The following FAT4 variants were observed in gnomAD, a reference collection of about 807,000 sequenced individuals.
FAT4 encodes FAT atypical cadherin 4.
Under a neutral mutation model 303.9 loss-of-function variants are expected in FAT4, and 84 were observed. The observed-to-expected ratio is 0.28, with a 90% CI of 0.23 to 0.33. The LOEUF is 0.33. Ranked by LOEUF, FAT4 falls within the 10% of genes least tolerant of loss-of-function variation. The pLI is 1.00. For missense variants in FAT4, 6,005 were observed against 6,146.8 expected, an observed-to-expected ratio of 0.98 and a Z score of 0.77; for synonymous variants, 2,307 against 2,298.8, an observed-to-expected ratio of 1.00 and a Z score of -0.10.
At chr4:125,466,337 A>G in intron 11 of FAT4, among the ~76,000 whole-genome samples, 1 of 152,076 alleles carries the variant, frequency 6.6e-6, no homozygotes, top group East Asian at 1.9e-4. Context: ...AAGTATCTAT[A>G]TACTTTCTCC....
At chr4:125,347,732 A>G (rs1578545823) in intron 2 of FAT4, among the ~76,000 whole-genome samples, 3 of 151,954 alleles carry the variant, frequency 2.0e-5, no homozygotes, top group African/African-American at 7.2e-5. Flanking sequence ...ATTAATACAG[A>G]TTACATAAAA....
chr4:125,472,113 A>G (rs1397525946), intron 12 of FAT4, among the ~76,000 whole-genome samples: 1 of 150,648 alleles, frequency 6.6e-6, no homozygotes, highest in Non-Finnish European at 1.5e-5. Flanking sequence ...TAAGATTTAT[A>G]ATTCACCCTA....
intron 2 of FAT4, among the ~76,000 whole-genome samples, chr4:125,355,765 G>T (rs757895083): frequency 1.3e-5 from 2 of 151,822 alleles, no homozygotes; most frequent in Non-Finnish European, 2.9e-5. Context: ...TGGAGAAGGG[G>T]TTGCTTGGTG....
At chr4:125,362,499 G>T (rs1389006304) in intron 2 of FAT4, among the ~76,000 whole-genome samples, 1 of 152,100 alleles carries the variant, frequency 6.6e-6, no homozygotes. Flanking sequence ...CTGATGCAGG[G>T]AAAAAGATTC....
At chr4:125,328,020 T>A (rs1328615990) in intron 2 of FAT4, among the ~76,000 whole-genome samples, 1 of 152,046 alleles carries the variant, frequency 6.6e-6, no homozygotes, top group Non-Finnish European at 1.5e-5. Flanking sequence ...ATAAAACCCA[T>A]AAAAGTAGGT....
In FAT4 at chr4:125,449,278, T is replaced by G. The variant is rs1725951406; in HGVS notation, c.8268T>G (p.Ser2756Arg). Residue 2756 changes from serine (S) to arginine (R), a missense_variant, in exon 10 of 18, where the codon AGT (serine) becomes AGG (arginine). Physicochemically the swap from Ser to Arg is moderately radical, Grantham distance 110. Transcript: ENST00000394329. ...CAGACAAAGGGTCCCCGTCTCAGAG[T>G]ACTTCAGTAAAAGTCATGATTAACA... ...KSSDKGSPSQ[S>R]TSVKVMINIL... is the part of the protein sequence containing the mutation. The G allele has an allele frequency of 6.2e-7, 1 of 1,613,936 alleles. No homozygotes were observed.
chr4:125,430,866 C>G (rs998068378), intron 7 of FAT4, among the ~76,000 whole-genome samples: 1 of 152,134 alleles, frequency 6.6e-6, no homozygotes, highest in African/African-American at 2.4e-5. Flanking sequence ...AACAAATGAT[C>G]CTCAAGCCAG....
At chr4:125,394,725 T>G (rs1256960317) in intron 2 of FAT4, among the ~76,000 whole-genome samples, 1 of 152,140 alleles carries the variant, frequency 6.6e-6, no homozygotes, top group Non-Finnish European at 1.5e-5. Context: ...ATGGTTGGTG[T>G]CAGATCTGAG....
intron 10 of FAT4, among the ~76,000 whole-genome samples, chr4:125,455,067 A>G (rs553876036): frequency 6.6e-6 from 1 of 152,318 alleles, no homozygotes; most frequent in South Asian, 2.1e-4. Flanking sequence ...CAGGATTTCT[A>G]GAACACTTCC....
intron 3 of FAT4, among the ~76,000 whole-genome samples, chr4:125,402,329 C>G (rs994969607): frequency 6.6e-6 from 1 of 151,892 alleles, no homozygotes; most frequent in Non-Finnish European, 1.5e-5. Flanking sequence ...TTGAATGTAG[C>G]TACTTCCATA....
intron 3 of FAT4, among the ~76,000 whole-genome samples, chr4:125,401,577 G>A (rs1734389933): frequency 6.6e-6 from 1 of 151,788 alleles, no homozygotes; most frequent in African/African-American, 2.4e-5. Flanking sequence ...GTATGCTATA[G>A]GAACTCTTGT....
intron 2 of FAT4, among the ~76,000 whole-genome samples, chr4:125,350,428 T>C (rs1732177389): frequency 6.6e-6 from 1 of 151,802 alleles, no homozygotes; most frequent in South Asian, 2.1e-4. Flanking sequence ...CAAAGCTGTG[T>C]TCCTTAATGC....
At chr4:125,398,982 A>ATGT in intron 3 of FAT4, 67 bp downstream of exon 3, 1 of 1,480,792 alleles carries the variant, frequency 6.8e-7, no homozygotes, top group Non-Finnish European at 9.4e-7. Context: ...TTTCTAGGAT[A>ATGT]TGTTGACTAC....
intron 7 of FAT4, among the ~76,000 whole-genome samples, chr4:125,418,450 A>G (rs915715169): frequency 1.5e-4 from 23 of 152,158 alleles, no homozygotes; most frequent in Non-Finnish European, 3.4e-4. Flanking sequence ...ACAGAGTAGC[A>G]CATTTGGAAA....
intron 2 of FAT4, among the ~76,000 whole-genome samples, chr4:125,360,999 ATAAATATTTAT>A (rs1170955019): frequency 2.9e-5 from 4 of 137,964 alleles, no homozygotes; most frequent in South Asian, 2.3e-4. Flanking sequence ...TTTATTATTT[ATAAATATTTAT>A]TAAATATTTA....
At chr4:125,345,136 T>C (rs1310269157) in intron 2 of FAT4, among the ~76,000 whole-genome samples, 1 of 152,086 alleles carries the variant, frequency 6.6e-6, no homozygotes, top group African/African-American at 2.4e-5. Context: ...CATTTACACA[T>C]TGTAGATGGT....
At chr4:125,483,626 A>T (rs997317402) in intron 16 of FAT4, among the ~76,000 whole-genome samples, 7 of 152,116 alleles carry the variant, frequency 4.6e-5, no homozygotes, top group Non-Finnish European at 7.4e-5. Flanking sequence ...CAATAACTTA[A>T]TTTTTTTCCT....
chr4:125,476,846 C>T (rs1727046675), intron 13 of FAT4, among the ~76,000 whole-genome samples: 2 of 152,086 alleles, frequency 1.3e-5, no homozygotes, highest in Non-Finnish European at 2.9e-5. Context: ...TTAGAGTTGT[C>T]ACTAATTCTA....
At position 125,446,416 on chromosome 4, in the gene FAT4, T is replaced by C. The variant is rs142184187; in HGVS notation, c.7323T>C (p.Asp2441=). The C allele has an allele frequency of 1.9e-6, 3 of 1,613,570 alleles. No individual in the cohort carries two copies. The highest frequency in any genetic ancestry group is 2.5e-6 in the Non-Finnish European group (3 of 1,179,604). The change falls in exon 9 of 18, where the codon GAT becomes GAC. Residue 2441 remains aspartate (D), a synonymous_variant. Coordinates refer to ENST00000394329, the MANE Select transcript of FAT4 (RefSeq NM_001291303.3). ...ATACTTTGGTAGTGGTCTGCAGTGA[T>C]GCGGGATCCCCAGAGCCTCTTTCCA... is the stretch of plus-strand genomic sequence containing the variant. ...DNYTLVVVCS[D]AGSPEPLSSS...
Sources: gnomAD v4.1 joint callset for allele counts (sites outside exome capture counted in the v4.1 genomes callset) on GRCh38, gnomAD v4.1.1 for gene constraint, MANE v1.5 for transcripts, NCBI Gene and HGNC (gene_info 2026-07-23, HGNC 2026-07-21) for gene names.